The following TAF1D variants were observed in gnomAD, a reference collection of about 807,000 sequenced individuals.
The protein encoded by TAF1D is TATA box-binding protein-associated factor RNA polymerase I subunit D.
Under a neutral mutation model 26.2 loss-of-function variants are expected in TAF1D, and 23 were observed. That is an observed-to-expected ratio of 0.88 (90% confidence interval 0.63 to 1.25). TAF1D has a LOEUF of 1.25. Ranked by LOEUF, TAF1D falls within the 50% of genes most tolerant of loss-of-function variation. The pLI is 0.00. For synonymous variants in TAF1D, 100 were observed against 105.6 expected (o/e 0.95, Z 0.33); for missense variants, 299 against 322.0 (o/e 0.93, Z 0.55).
At chr11:93,734,424 C>A, downstream of TAF1D, 1 of 299,304 alleles carries the variant, frequency 3.3e-6, no homozygotes, top group Non-Finnish European at 6.7e-6. Flanking sequence ...AAATTCAGGA[C>A]CCTCTAATGC....
intron 1 of TAF1D, among the ~76,000 whole-genome samples, chr11:93,739,694 T>C (rs1291597397): frequency 6.6e-6 from 1 of 152,114 alleles, no homozygotes; most frequent in Non-Finnish European, 1.5e-5. Flanking sequence ...TTTTCCAAGA[T>C]CAAAGGGGGA....
chr11:93,731,692 G>A, downstream of TAF1D: 1 of 392,690 alleles, frequency 2.5e-6, no homozygotes. Flanking sequence ...ATAACATTTG[G>A]AGAAAAGCTA....
intron 3 of TAF1D, 63 bp from the exon 4 acceptor site, chr11:93,737,302 T>C: frequency 2.3e-6 from 3 of 1,282,334 alleles, no homozygotes; most frequent in Non-Finnish European, 3.2e-6. Flanking sequence ...CAGGTGCCTA[T>C]GTTCAAAAAG....
At chr11:93,738,754 G>A (rs1177064350) in intron 2 of TAF1D, among the ~76,000 whole-genome samples, 1 of 152,106 alleles carries the variant, frequency 6.6e-6, no homozygotes, top group Non-Finnish European at 1.5e-5. Flanking sequence ...GGAGTGCAGT[G>A]GTGCAATCAC....
At chr11:93,734,736 C>T, downstream of TAF1D, 1 of 1,286,156 alleles carries the variant, frequency 7.8e-7, no homozygotes. Context: ...GAGGATTTCC[C>T]TCATATCCCA....
At chr11:93,739,975 A>AG (rs1419147454) in intron 1 of TAF1D, among the ~76,000 whole-genome samples, 3 of 150,550 alleles carry the variant, frequency 2.0e-5, no homozygotes, top group African/African-American at 7.3e-5. Context: ...AAAAAAAAAA[A>AG]AAAAAAAGAA....
chr11:93,734,686 T>C (rs1213615779), downstream of TAF1D: 1 of 1,269,634 alleles, frequency 7.9e-7, no homozygotes, highest in African/African-American at 1.5e-5. Flanking sequence ...CCATTGTGTA[T>C]ATCATCAACA....
rs1465952313 is a variant in TAF1D, at chr11:93,741,303, C to A, written c.-28+19G>T. 6.6e-6 allele frequency: 3 copies of A among 456,242 alleles called. No individual in the cohort carries two copies. Among genetic ancestry groups the A allele is most frequent in the Non-Finnish European group, 1.3e-5 (3 of 226,978 alleles). The allele number at this position is 456,242 out of a possible 1,614,324, so 28.3% of individuals were successfully genotyped here. A position where few individuals can be genotyped will look rare whatever the true frequency, so the allele number is the denominator to read the frequency against. On this transcript the variant is annotated intron_variant, in intron 1 of 5. Transcript: ENST00000448108. Reference sequence around the variant, plus strand: ...CCCGCCCGCCAGGCCCGGACGGCCTCGCCCTCTTAGCAACCTACCTAAAAC... The same window carrying A: ...CCCGCCCGCCAGGCCCGGACGGCCTAGCCCTCTTAGCAACCTACCTAAAAC...
downstream of TAF1D, chr11:93,734,407 A>G (rs1940210030): frequency 1.0e-5 from 3 of 291,878 alleles, no homozygotes; most frequent in African/African-American, 2.2e-5. Context: ...TATTGCTACA[A>G]ACTAACAAAT....
rs1773857079 is a variant in TAF1D, at chr11:93,739,361, A to T, written c.-27-30T>A. On this transcript the variant is annotated intron_variant, in intron 1 of 5. Coordinates refer to ENST00000448108, the MANE Select transcript of TAF1D (RefSeq NM_024116.4). ...AATTATGAAATTTAGTAAATATGACAAAGCTTCCCTAAATATTGACAGTAT... is the reference window on the plus strand; with the variant it reads ...AATTATGAAATTTAGTAAATATGACTAAGCTTCCCTAAATATTGACAGTAT... The T allele has an allele frequency of 2.1e-5, 31 of 1,494,110 alleles. 2 individuals are homozygous for T. In the South Asian group the frequency reaches 3.3e-4, roughly 16 times the overall value. 92.6% of individuals were successfully genotyped at this position (1,494,110 alleles called of 1,614,324 possible). A position where few individuals can be genotyped will look rare whatever the true frequency, so the allele number is the denominator to read the frequency against.
At chr11:93,736,497 T>A in intron 5 of TAF1D, 193 bp from the exon 6 acceptor site, 1 of 1,425,434 alleles carries the variant, frequency 7.0e-7, no homozygotes. Context: ...ATGCTACTTA[T>A]TAAAAATAGT....
chr11:93,737,945 T>TCA (rs1224561174), intron 3 of TAF1D, among the ~76,000 whole-genome samples, 164 bp downstream of exon 3: 1 of 152,212 alleles, frequency 6.6e-6, no homozygotes, highest in Non-Finnish European at 1.5e-5. Flanking sequence ...AAGTCAAGAT[T>TCA]CAGTTGAAGG....
downstream of TAF1D, chr11:93,730,759 G>A (rs922215816): frequency 3.8e-5 from 17 of 453,106 alleles, no homozygotes; most frequent in Non-Finnish European, 7.3e-5. Context: ...CCAGAGATGA[G>A]TGTACAGTGA....
downstream of TAF1D, chr11:93,733,434 C>T (rs367823557): frequency 4.2e-5 from 22 of 518,408 alleles, no homozygotes; most frequent in Admixed American, 2.9e-4. Context: ...TTTTTCATAA[C>T]GTTTAGCAAC....
downstream of TAF1D, chr11:93,731,076 T>C: frequency 1.9e-6 from 1 of 518,860 alleles, no homozygotes; most frequent in Non-Finnish European, 3.8e-6. Context: ...AGAAACTGCA[T>C]TCTAAAAGCC....
Position 93,735,833 on chromosome 11 carries a change from T to G in TAF1D, c.*328A>C, listed in dbSNP as rs1940658998. 14 of 1,075,164 alleles carry G rather than the reference T, an allele frequency of 1.3e-5. No homozygotes were observed. Among genetic ancestry groups the G allele is most frequent in the Non-Finnish European group, 1.6e-5 (14 of 886,610 alleles). The allele number at this position is 1,075,164 out of a possible 1,614,324, so 66.6% of individuals were successfully genotyped here. On this transcript the variant is annotated 3_prime_UTR_variant, in exon 6 of 6. Transcript: ENST00000448108. ...GTTGGGTGTCAAGTTACTTTAAGAT[T>G]TTCTTTTCAAAATTAAAATCACTAC... is the stretch of plus-strand genomic sequence containing the variant.
At chr11:93,737,471 GACTT>G (rs1941037035) in intron 3 of TAF1D, among the ~76,000 whole-genome samples, 1 of 152,064 alleles carries the variant, frequency 6.6e-6, no homozygotes, top group South Asian at 2.1e-4. Flanking sequence ...TCATGTCTGG[GACTT>G]ACTAAAGGCA....
intron 3 of TAF1D, among the ~76,000 whole-genome samples, chr11:93,737,507 A>T (rs1456390466): frequency 6.6e-6 from 1 of 152,178 alleles, no homozygotes; most frequent in South Asian, 2.1e-4. Context: ...AAAAACAGGA[A>T]TAAGATTTCT....
At chr11:93,730,389 CA>C (rs1938291177) in exon 12 of TAF1D, 1 of 865,742 alleles carries the variant, frequency 1.2e-6, no homozygotes, top group Non-Finnish European at 2.0e-6. Flanking sequence ...CACTGTCCAT[CA>C]AGGTCACTTT....
Sources: gnomAD v4.1 joint callset for allele counts (sites outside exome capture counted in the v4.1 genomes callset) on GRCh38, gnomAD v4.1.1 for gene constraint, MANE v1.5 for transcripts, NCBI Gene and HGNC (gene_info 2026-07-23, HGNC 2026-07-21) for gene names.